CCDC15: variants seen among roughly 807,000 people sequenced by gnomAD.
The protein encoded by CCDC15 is coiled-coil domain-containing protein 15.
A neutral mutation model predicts 114.5 loss-of-function variants in CCDC15; 105 were observed. The ratio of observed to expected loss-of-function variants is 0.92; its 90% CI spans 0.78 to 1.08. The LOEUF (loss-of-function observed/expected upper bound fraction) is 1.08, where lower values mean the gene tolerates loss of function less well. Ranked by LOEUF, CCDC15 falls within the 50% of genes least tolerant of loss-of-function variation. CCDC15 has a pLI of 0.00. For missense variants in CCDC15, 1,105 were observed against 1,093.6 expected, an observed-to-expected ratio of 1.01 and a Z score of -0.15; for synonymous variants, 334 against 377.8, an observed-to-expected ratio of 0.88 and a Z score of 1.34.
Position 125,033,995 on chromosome 11 carries a change from C to A in CCDC15, c.2412-4436C>A, listed in dbSNP as rs552625974. Among the ~76,000 whole-genome samples, 321 of 152,296 alleles carry A rather than the reference C, an allele frequency of 2.1e-3. 1 individual carries two copies. The highest frequency in any genetic ancestry group is 7.2e-3 in the African/African-American group (301 of 41,550). On this transcript the variant is annotated intron_variant, in intron 13 of 15. Transcript: ENST00000344762. Reference sequence around the variant, plus strand: ...ACACTCTGAACCTCACTTCTAGGAGCCTGCTAGGACTTTAGTCTTGTTATA... The same window carrying A: ...ACACTCTGAACCTCACTTCTAGGAGACTGCTAGGACTTTAGTCTTGTTATA...
At chr11:125,036,973 T>C (rs145237366) in intron 13 of CCDC15, among the ~76,000 whole-genome samples, 47 of 152,356 alleles carry the variant, frequency 3.1e-4, no homozygotes, top group African/African-American at 9.1e-4. Flanking sequence ...GATTAGTCAC[T>C]GGTGACTTAT....
Position 125,040,612 on chromosome 11 carries a change from A to G in CCDC15, c.2757A>G (p.Ser919=). Residue 919 remains serine, a synonymous_variant, in exon 16 of 16, where the codon TCA becomes TCG. Coordinates refer to ENST00000344762, the MANE Select transcript of CCDC15 (RefSeq NM_025004.3). ...CAGCATATACTCGGGCACTACATTCATTCATCAATTCCTGTGATGTCCCTG... is the reference window on the plus strand; with the variant it reads ...CAGCATATACTCGGGCACTACATTCGTTCATCAATTCCTGTGATGTCCCTG... The part of the protein sequence containing the change: ...NHRAYTRALH[S]FINSCDVPGG... The G allele has an allele frequency of 6.2e-7, 1 of 1,610,286 alleles. No individual in the cohort carries two copies. Among genetic ancestry groups the G allele is most frequent in the East Asian group, 2.2e-5 (1 of 44,832 alleles).
At chr11:125,011,492 TC>T (rs1422378463) in intron 13 of CCDC15, among the ~76,000 whole-genome samples, 4 of 152,108 alleles carry the variant, frequency 2.6e-5, no homozygotes, top group African/African-American at 9.7e-5. Context: ...CGCCTCAGCC[TC>T]CCAATGTGCT....
chr11:124,990,299 C>T (rs1362714231), intron 8 of CCDC15, among the ~76,000 whole-genome samples: 1 of 151,932 alleles, frequency 6.6e-6, no homozygotes, highest in Non-Finnish European at 1.5e-5. Context: ...TTATGGTGCC[C>T]CAAAACAATT....
intron 6 of CCDC15, among the ~76,000 whole-genome samples, chr11:124,980,841 T>C (rs1591585110): frequency 6.6e-6 from 1 of 152,294 alleles, no homozygotes; most frequent in Non-Finnish European, 1.5e-5. Context: ...CTAGTTCTTC[T>C]AGTTTGATGT....
intron 13 of CCDC15, among the ~76,000 whole-genome samples, chr11:125,020,920 A>T (rs574489912): frequency 1.8e-4 from 27 of 150,044 alleles, no homozygotes; most frequent in African/African-American, 6.4e-4. Flanking sequence ...AAAGCTGTGG[A>T]TTTTTTTTTT....
intron 4 of CCDC15, among the ~76,000 whole-genome samples, chr11:124,973,521 C>A (rs566039572): frequency 2.0e-5 from 3 of 151,884 alleles, no homozygotes; most frequent in African/African-American, 7.3e-5. Context: ...GAGTTATAGA[C>A]CTCTGAAAAC....
chr11:124,998,706 T>A (rs938277715), intron 11 of CCDC15, among the ~76,000 whole-genome samples: 1 of 151,796 alleles, frequency 6.6e-6, no homozygotes, highest in African/African-American at 2.4e-5. Flanking sequence ...TAATCATACA[T>A]GTTTTTATGA....
chr11:124,994,867 T>A (rs1325351443), intron 11 of CCDC15, among the ~76,000 whole-genome samples: 3 of 152,236 alleles, frequency 2.0e-5, no homozygotes, highest in Non-Finnish European at 4.4e-5. Context: ...TTTCTGATTT[T>A]ATGTTTTTAA....
intron 4 of CCDC15, among the ~76,000 whole-genome samples, chr11:124,966,094 G>C (rs1179132783): frequency 2.6e-5 from 4 of 152,158 alleles, no homozygotes; most frequent in Non-Finnish European, 4.4e-5. Context: ...GTGCGATGTG[G>C]TGCTGAGAAG....
intron 4 of CCDC15, among the ~76,000 whole-genome samples, chr11:124,973,810 G>T (rs993512870): frequency 2.6e-5 from 4 of 151,772 alleles, no homozygotes; most frequent in African/African-American, 9.7e-5. Flanking sequence ...TGTATTTTCT[G>T]TAGAGAAGTC....
At chr11:124,964,643 G>T (rs1359605850) in intron 4 of CCDC15, among the ~76,000 whole-genome samples, 1 of 152,106 alleles carries the variant, frequency 6.6e-6, no homozygotes, top group Non-Finnish European at 1.5e-5. Context: ...TCTTTCTCTT[G>T]CCTGATTCCC....
chr11:124,986,700 T>TGTGTGTGTGTGTGCGCGC lies in CCDC15; in HGVS notation c.754-41_754-40insTGTGTGTGTGTGCGCGCG, dbSNP rs878887902. On this transcript the variant is annotated intron_variant, in intron 6 of 15. Coordinates refer to ENST00000344762, the MANE Select transcript of CCDC15 (RefSeq NM_025004.3). ...GTGTGTGTGTGTGTGTTTGTGTGTG[T>TGTGTGTGTGTGTGCGCGC]GCGCGCGCGCGCGTGCGCGTTTTCA... is the stretch of plus-strand genomic sequence containing the variant. 160 of 1,352,994 alleles carry TGTGTGTGTGTGTGCGCGC rather than the reference T, an allele frequency of 1.2e-4. No individual in the cohort carries two copies. The African/African-American group carries it at 1.3e-3, about 11-fold the overall frequency. 83.8% of individuals were successfully genotyped at this position (1,352,994 alleles called of 1,614,324 possible). A position where few individuals can be genotyped will look rare whatever the true frequency, so the allele number is the denominator to read the frequency against.
chr11:125,001,694 T>C (rs1948484813), intron 11 of CCDC15, among the ~76,000 whole-genome samples: 3 of 152,248 alleles, frequency 2.0e-5, no homozygotes, highest in Admixed American at 2.0e-4. Flanking sequence ...ACTTAGCATG[T>C]GTTTTCAAAA....
chr11:124,986,937 G>A (rs1437826110), intron 7 of CCDC15, 49 bp downstream of exon 7: 1 of 1,485,668 alleles, frequency 6.7e-7, no homozygotes, highest in Non-Finnish European at 9.0e-7. Context: ...ACTAGGTATT[G>A]CCAGTAATGT....
intron 6 of CCDC15, among the ~76,000 whole-genome samples, chr11:124,979,237 C>G (rs1458349641): frequency 6.6e-6 from 1 of 152,152 alleles, no homozygotes; most frequent in African/African-American, 2.4e-5. Flanking sequence ...ATTCCTCCAG[C>G]TTTGCTCTTT....
intron 13 of CCDC15, among the ~76,000 whole-genome samples, chr11:125,015,421 A>G (rs1452883782): frequency 1.3e-5 from 2 of 152,200 alleles, no homozygotes; most frequent in East Asian, 3.8e-4. Context: ...CAGAGCCTAC[A>G]GACATTAAAT....
chr11:125,026,372 C>T (rs1168174089), intron 13 of CCDC15, among the ~76,000 whole-genome samples: 1 of 152,146 alleles, frequency 6.6e-6, no homozygotes, highest in African/African-American at 2.4e-5. Context: ...GCTATACTAC[C>T]CCTCCCCTAA....
intron 11 of CCDC15, among the ~76,000 whole-genome samples, chr11:124,996,626 A>C (rs2135501787): frequency 6.6e-6 from 1 of 152,168 alleles, no homozygotes; most frequent in South Asian, 2.1e-4. Context: ...TTGTTGTGCA[A>C]CCATCACCAC....
Sources: gnomAD v4.1 joint callset for allele counts (sites outside exome capture counted in the v4.1 genomes callset) on GRCh38, gnomAD v4.1.1 for gene constraint, MANE v1.5 for transcripts, NCBI Gene and HGNC (gene_info 2026-07-23, HGNC 2026-07-21) for gene names.